CNTN5: variants seen among roughly 807,000 people sequenced by gnomAD.
CNTN5 encodes contactin-5.
CNTN5 carries 77 observed loss-of-function variants against 129.1 expected under a neutral mutation model. The ratio of observed to expected loss-of-function variants is 0.60; its 90% CI spans 0.50 to 0.72. The LOEUF (loss-of-function observed/expected upper bound fraction) is 0.72, where lower values mean the gene tolerates loss of function less well. Ranked by LOEUF, CNTN5 falls within the 30% of genes least tolerant of loss-of-function variation. The pLI is 0.00. For synonymous variants in CNTN5, 509 were observed against 465.6 expected, an observed-to-expected ratio of 1.09 and a Z score of -1.20; for missense variants, 1,478 against 1,328.8, an observed-to-expected ratio of 1.11 and a Z score of -1.75.
At chr11:99,992,441 A>C (rs769614068) in intron 8 of CNTN5, among the ~76,000 whole-genome samples, 1 of 152,178 alleles carries the variant, frequency 6.6e-6, no homozygotes, top group Non-Finnish European at 1.5e-5. Context: ...TTTTTCAGAC[A>C]TTTTAGTCAG....
chr11:99,196,660 T>C (rs1433332074), intron 1 of CNTN5, among the ~76,000 whole-genome samples: 2 of 151,960 alleles, frequency 1.3e-5, no homozygotes, highest in Non-Finnish European at 2.9e-5. Context: ...GAACTTTCCT[T>C]TGTGCCTCAC....
chr11:99,878,578 A>G (rs1948691939), intron 6 of CNTN5, among the ~76,000 whole-genome samples: 1 of 152,172 alleles, frequency 6.6e-6, no homozygotes, highest in Non-Finnish European at 1.5e-5. Flanking sequence ...ATTATTTAAG[A>G]TGATACCTCT....
chr11:100,242,392 T>C (rs2138685042), intron 16 of CNTN5, among the ~76,000 whole-genome samples: 1 of 152,324 alleles, frequency 6.6e-6, no homozygotes, highest in Non-Finnish European at 1.5e-5. Context: ...GACTTTCTTC[T>C]CTTTAAAAGT....
rs192016359 is a variant in CNTN5, at chr11:100,071,369, C to T, written c.1300-336C>T. Among the ~76,000 whole-genome samples the T allele has an allele frequency of 1.2e-3, 178 of 152,108 alleles. 2 individuals carry two copies. The East Asian group carries it at 0.022, about 19-fold the overall frequency. Reference sequence around the variant, plus strand: ...ATGAATCCTTCTTTCCCTTTGTAAACGGAATGCAAATAAAAGCATCACCTG... The same window carrying T: ...ATGAATCCTTCTTTCCCTTTGTAAATGGAATGCAAATAAAAGCATCACCTG... On this transcript the variant is annotated intron_variant, in intron 11 of 24. Coordinates refer to ENST00000524871, the MANE Select transcript of CNTN5 (RefSeq NM_014361.4).
At chr11:99,813,876 A>T (rs1165383226) in intron 3 of CNTN5, among the ~76,000 whole-genome samples, 4 of 152,132 alleles carry the variant, frequency 2.6e-5, no homozygotes, top group Non-Finnish European at 5.9e-5. Context: ...TTATCTTTAA[A>T]GAGAGACATT....
intron 6 of CNTN5, among the ~76,000 whole-genome samples, chr11:99,877,193 A>G (rs937342576): frequency 2.6e-5 from 4 of 152,176 alleles, no homozygotes; most frequent in African/African-American, 9.6e-5. Context: ...AAGAAACTTT[A>G]TTTCCATTGA....
chr11:99,337,399 C>A (rs993771613), intron 2 of CNTN5, among the ~76,000 whole-genome samples: 4 of 152,150 alleles, frequency 2.6e-5, no homozygotes, highest in Admixed American at 2.6e-4. Context: ...TTATTAACAG[C>A]AAACCAGTCA....
chr11:100,027,415 T>G (rs367563377), intron 9 of CNTN5, among the ~76,000 whole-genome samples: 43 of 152,314 alleles, frequency 2.8e-4, no homozygotes, highest in African/African-American at 9.6e-4. Context: ...CTGTTAAGGT[T>G]AAGACCTTTC....
chr11:99,709,221 T>G (rs1284664973), intron 3 of CNTN5, among the ~76,000 whole-genome samples: 2 of 151,940 alleles, frequency 1.3e-5, no homozygotes, highest in Admixed American at 6.6e-5. Flanking sequence ...AACTTTGTTC[T>G]TAACAAAATG....
intron 1 of CNTN5, among the ~76,000 whole-genome samples, chr11:99,045,878 A>G (rs186753969): frequency 6.6e-6 from 1 of 152,334 alleles, no homozygotes; most frequent in East Asian, 1.9e-4. Flanking sequence ...GTCTCACCTA[A>G]TAAACACTTC....
chr11:99,610,761 T>A (rs1276558441), intron 3 of CNTN5, among the ~76,000 whole-genome samples: 4 of 152,070 alleles, frequency 2.6e-5, no homozygotes, highest in African/African-American at 4.8e-5. Context: ...TTAGTTTAGG[T>A]TGTTTTCATT....
rs11221317 is a variant in CNTN5 at position 99,772,941 on chromosome 11, A to T, written c.56-46603A>T. Among the ~76,000 whole-genome samples, 228 of 151,884 alleles carry T rather than the reference A, an allele frequency of 1.5e-3. 2 individuals are homozygous for T. The East Asian group carries it at 0.021, about 14-fold the overall frequency. On this transcript the variant is annotated intron_variant, in intron 3 of 24. Coordinates refer to ENST00000524871, the MANE Select transcript of CNTN5 (RefSeq NM_014361.4). ...TGTATTGTCTAAGTCAGAATTTTAG[A>T]TTTTTTTTCAGTATTTGTAAATAAG...
At chr11:99,959,269 T>C (rs1423005049) in intron 8 of CNTN5, among the ~76,000 whole-genome samples, 1 of 152,218 alleles carries the variant, frequency 6.6e-6, no homozygotes, top group Non-Finnish European at 1.5e-5. Context: ...CAAGTTTCTG[T>C]GGACAGCTTA....
intron 3 of CNTN5, among the ~76,000 whole-genome samples, chr11:99,789,910 A>C (rs1174583338): frequency 6.6e-6 from 1 of 151,978 alleles, no homozygotes; most frequent in Non-Finnish European, 1.5e-5. Flanking sequence ...CTAGTTTTTC[A>C]ACTCTTTCTC....
chr11:99,705,185 G>C (rs972260254), intron 3 of CNTN5, among the ~76,000 whole-genome samples: 2 of 151,286 alleles, frequency 1.3e-5, no homozygotes, highest in Admixed American at 6.6e-5. Context: ...TTTTCTAGAA[G>C]ATTGTGCTTT....
intron 6 of CNTN5, among the ~76,000 whole-genome samples, chr11:99,851,658 T>C (rs906171260): frequency 6.6e-6 from 1 of 152,242 alleles, no homozygotes; most frequent in African/African-American, 2.4e-5. Flanking sequence ...GGTAAATTGA[T>C]AGTTCCTATC....
At chr11:99,095,302 T>G (rs1025312713) in intron 1 of CNTN5, among the ~76,000 whole-genome samples, 3 of 151,812 alleles carry the variant, frequency 2.0e-5, no homozygotes, top group Non-Finnish European at 2.9e-5. Context: ...CCTCTACTCC[T>G]CCCCCAAGAA....
intron 6 of CNTN5, among the ~76,000 whole-genome samples, chr11:99,913,887 T>A (rs1949722920): frequency 6.6e-6 from 1 of 152,044 alleles, no homozygotes. Flanking sequence ...TAAATTGATA[T>A]CCCAATGACC....
intron 13 of CNTN5, among the ~76,000 whole-genome samples, chr11:100,142,614 A>C (rs1314613454): frequency 6.6e-6 from 1 of 152,172 alleles, no homozygotes; most frequent in East Asian, 1.9e-4. Flanking sequence ...CCTTTTAATC[A>C]AAACACAGCA....
Sources: gnomAD v4.1 joint callset for allele counts (sites outside exome capture counted in the v4.1 genomes callset) on GRCh38, gnomAD v4.1.1 for gene constraint, MANE v1.5 for transcripts, NCBI Gene and HGNC (gene_info 2026-07-23, HGNC 2026-07-21) for gene names.